Variants in PZP observed in about 807,000 individuals in gnomAD.
PZP encodes pregnancy zone protein.
PZP carries 150 observed loss-of-function variants against 179.8 expected under a neutral mutation model. The observed-to-expected ratio is 0.83, with a 90% CI of 0.73 to 0.96. The LOEUF is 0.96. Among genes scored for constraint, PZP ranks in the 40% least tolerant of loss-of-function variants. The pLI is 0.00. For missense variants in PZP, 1,689 were observed against 1,764.0 expected (o/e 0.96, Z 0.76); for synonymous variants, 624 against 652.3 (o/e 0.96, Z 0.66).
At chr12:9,206,626 G>A (rs1255848502) in intron 1 of PZP, among the ~76,000 whole-genome samples, 2 of 152,154 alleles carry the variant, frequency 1.3e-5, no homozygotes, top group Admixed American at 1.3e-4. Flanking sequence ...CCCAAGGCAG[G>A]GGAGAATGGC....
chr12:9,190,029 TA>T (rs1943366268), intron 13 of PZP, among the ~76,000 whole-genome samples: 1 of 152,158 alleles, frequency 6.6e-6, no homozygotes, highest in Admixed American at 6.5e-5. Flanking sequence ...AGGGAATGCT[TA>T]TACACTCTTG....
intron 12 of PZP, 126 bp downstream of exon 12, chr12:9,192,386 A>G (rs1282455388): frequency 6.3e-6 from 8 of 1,271,954 alleles, no homozygotes; most frequent in Non-Finnish European, 9.0e-6. Context: ...AACTCATGGA[A>G]TGAAGGACGC....
the PZP span, among the ~76,000 whole-genome samples, chr12:9,139,439 C>T: frequency 5.9e-5 from 9 of 152,218 alleles, no homozygotes; most frequent in South Asian, 1.0e-3. Context: ...CTGTTTGGTC[C>T]ATTTGGTCTA....
chr12:9,162,831 G>A (rs1941305790), intron 21 of PZP, among the ~76,000 whole-genome samples, 183 bp from the exon 22 acceptor site: 1 of 152,120 alleles, frequency 6.6e-6, no homozygotes, highest in Non-Finnish European at 1.5e-5. Context: ...TTGTTACATA[G>A]GTAAATGTGT....
At chr12:9,206,038 G>T (rs1227474539) in intron 1 of PZP, among the ~76,000 whole-genome samples, 1 of 152,152 alleles carries the variant, frequency 6.6e-6, no homozygotes, top group Non-Finnish European at 1.5e-5. Flanking sequence ...GTAAGGTTTT[G>T]TTCTCTAGCA....
Position 9,182,225 on chromosome 12 carries a change from G to A in PZP, c.1547-108C>T, listed in dbSNP as rs117635783. The A allele has an allele frequency of 3.4e-4, 359 of 1,061,130 alleles. 6 individuals carry two copies. In the East Asian group the frequency reaches 9.3e-3, roughly 27 times the overall value. The allele number at this position is 1,061,130 out of a possible 1,614,324, so 65.7% of individuals were successfully genotyped here. On this transcript the variant is annotated intron_variant, in intron 13 of 35. Coordinates refer to ENST00000261336, the MANE Select transcript of PZP (RefSeq NM_002864.3). ...TTGGTCTTATCCACTTGAGAACTGC[G>A]TCCATTCATTCTAATGGCTTAGTCT... is the stretch of plus-strand genomic sequence containing the variant.
At chr12:9,150,576 G>A in intron 34 of PZP, 68 bp downstream of exon 34, 7 of 1,047,482 alleles carry the variant, frequency 6.7e-6, no homozygotes, top group Non-Finnish European at 1.0e-5. Context: ...CTAAGAAGAG[G>A]ATCAACTGTC....
intron 28 of PZP, 136 bp from the exon 29 acceptor site, chr12:9,154,975 C>G: frequency 1.1e-6 from 1 of 879,418 alleles, no homozygotes; most frequent in South Asian, 1.8e-5. Flanking sequence ...TCATAAACTC[C>G]TAAAACTCAC....
chr12:9,187,077 C>CAAAA lies in PZP; in HGVS notation c.1547-4964_1547-4961dup, dbSNP rs59000486. ...AAACAGACTTTAAACCAAGAAAGGTCAAAAAAAAAAAAAAAAGACAAGAGA... is the reference window on the plus strand; with the variant it reads ...AAACAGACTTTAAACCAAGAAAGGTCAAAAAAAAAAAAAAAAAAAAGACAAGAGA... On this transcript the variant is annotated intron_variant, in intron 13 of 35. Coordinates refer to ENST00000261336, the MANE Select transcript of PZP (RefSeq NM_002864.3). Among the ~76,000 whole-genome samples, 4 of 128,726 alleles carry CAAAA rather than the reference C, an allele frequency of 3.1e-5. 1 individual carries two copies. The highest frequency in any genetic ancestry group is 3.2e-5 in the Non-Finnish European group (2 of 61,628). 84.4% of individuals were successfully genotyped at this position (128,726 alleles called of 152,430 possible). A position where few individuals can be genotyped will look rare whatever the true frequency, so the allele number is the denominator to read the frequency against.
At chr12:9,151,031 A>C (rs1565620426) in intron 33 of PZP, among the ~76,000 whole-genome samples, 1 of 152,246 alleles carries the variant, frequency 6.6e-6, no homozygotes, top group Non-Finnish European at 1.5e-5. Flanking sequence ...TCTAAGCTGG[A>C]GAAACATGGT....
intron 11 of PZP, among the ~76,000 whole-genome samples, chr12:9,193,683 A>G (rs1943583134): frequency 1.3e-5 from 2 of 152,164 alleles, no homozygotes; most frequent in Admixed American, 1.3e-4. Flanking sequence ...AGCTAGGGAA[A>G]TCTTTTGATC....
intron 23 of PZP, among the ~76,000 whole-genome samples, chr12:9,160,764 A>G (rs1461985387): frequency 2.0e-5 from 3 of 151,984 alleles, no homozygotes; most frequent in Non-Finnish European, 4.4e-5. Context: ...AATACAAAAA[A>G]ATTAGCCGGG....
chr12:9,137,908 G>A, the PZP span, among the ~76,000 whole-genome samples: 2 of 152,064 alleles, frequency 1.3e-5, no homozygotes, highest in South Asian at 4.1e-4. Flanking sequence ...AGTTTTAACA[G>A]TTTTTTAAAA....
chr12:9,179,775 C>T (rs1019796819), intron 15 of PZP, among the ~76,000 whole-genome samples: 2 of 152,150 alleles, frequency 1.3e-5, no homozygotes, highest in Non-Finnish European at 2.9e-5. Flanking sequence ...ATGACTATCA[C>T]GTAGGTGGGG....
intron 15 of PZP, among the ~76,000 whole-genome samples, chr12:9,180,455 T>C (rs1387945381): frequency 6.6e-6 from 1 of 152,132 alleles, no homozygotes; most frequent in Non-Finnish European, 1.5e-5. Context: ...AACAGAGATA[T>C]AGATCAATGG....
intron 22 of PZP, among the ~76,000 whole-genome samples, chr12:9,161,611 A>T (rs4883215): frequency 6.6e-6 from 1 of 152,002 alleles, no homozygotes; most frequent in Non-Finnish European, 1.5e-5. Context: ...ACTTATAACC[A>T]TGATAATACA....
At position 9,194,187 on chromosome 12, in the gene PZP, TGAA is replaced by T. The variant is rs766552700; in HGVS notation, c.1141_1143del (p.Phe381del). ...TAATAATTGGCGTCATTCACAGAGA[TGAA>T]GAAGAGTTTATTGGGGATGGGCACA... On this transcript the variant is annotated inframe_deletion, in exon 11 of 36. Transcript: ENST00000261336. The T allele has an allele frequency of 1.7e-5, 27 of 1,613,884 alleles. No individual in the cohort carries two copies. The highest frequency in any genetic ancestry group is 1.2e-4 in the South Asian group (11 of 91,068).
chr12:9,176,815 A>G lies in PZP; in HGVS notation c.1839+4168T>C, dbSNP rs914968054. On this transcript the variant is annotated intron_variant, in intron 15 of 35. Transcript: ENST00000261336. ...TATTCTATGCCAGTTCCACCATTGC[A>G]TGTTAAGTGTGTGGGGCCAAATAAC... Among the ~76,000 whole-genome samples the G allele has an allele frequency of 2.6e-5, 4 of 152,200 alleles. No homozygotes were observed. In the East Asian group the frequency reaches 7.7e-4, roughly 29 times the overall value.
intron 23 of PZP, among the ~76,000 whole-genome samples, chr12:9,160,741 C>T (rs1435584951): frequency 3.3e-5 from 5 of 151,910 alleles, no homozygotes; most frequent in Non-Finnish European, 7.4e-5. Flanking sequence ...GGTGAAACCC[C>T]GTCTCTACTA....
Sources: gnomAD v4.1 joint callset for allele counts (sites outside exome capture counted in the v4.1 genomes callset) on GRCh38, gnomAD v4.1.1 for gene constraint, MANE v1.5 for transcripts, NCBI Gene and HGNC (gene_info 2026-07-23, HGNC 2026-07-21) for gene names.